The following FAM227B variants were observed in gnomAD, a reference collection of about 807,000 sequenced individuals.
FAM227B encodes the protein family with sequence similarity 227 member B, also known as protein FAM227B.
In FAM227B, 88 loss-of-function variants were observed where a neutral mutation model predicts 73.8. The ratio of observed to expected loss-of-function variants is 1.19; its 90% CI spans 1.00 to 1.42. The LOEUF (loss-of-function observed/expected upper bound fraction) is 1.42, where lower values mean the gene tolerates loss of function less well. Ranked by LOEUF, FAM227B falls within the 40% of genes most tolerant of loss-of-function variation. The pLI is 0.00. For missense variants in FAM227B, 632 were observed against 590.9 expected (o/e 1.07, Z -0.72); for synonymous variants, 210 against 190.5 (o/e 1.10, Z -0.84).
chr15:49,461,562 C>A (rs193089043), intron 11 of FAM227B, among the ~76,000 whole-genome samples: 67 of 152,270 alleles, frequency 4.4e-4, no homozygotes, highest in African/African-American at 1.6e-3. Context: ...TTGAAAGAGC[C>A]ACGTACTTCT....
chr15:49,536,278 TAAC>T (rs1374611497), intron 10 of FAM227B, among the ~76,000 whole-genome samples: 12 of 151,698 alleles, frequency 7.9e-5, no homozygotes, highest in Non-Finnish European at 1.8e-4. Context: ...TTCTATATAT[TAAC>T]AACAGACTAT....
chr15:49,492,808 T>C (rs1048890351), intron 11 of FAM227B, among the ~76,000 whole-genome samples: 1 of 151,888 alleles, frequency 6.6e-6, no homozygotes, highest in African/African-American at 2.4e-5. Flanking sequence ...GCAAATGTGG[T>C]TTAAAAAATT....
At chr15:49,360,101 AG>A (rs567696991) in intron 13 of FAM227B, among the ~76,000 whole-genome samples, 725 of 67,036 alleles carry the variant, frequency 0.011, 14 homozygotes, top group African/African-American at 0.042. Flanking sequence ...GGGTGGGGGG[AG>A]GGGGGAGGGA....
chr15:49,481,270 A>G (rs1446664982), intron 11 of FAM227B, among the ~76,000 whole-genome samples: 1 of 152,102 alleles, frequency 6.6e-6, no homozygotes, highest in African/African-American at 2.4e-5. Flanking sequence ...TTTTGCACCA[A>G]CCTAACTGAT....
chr15:49,556,679 A>G (rs2073730566), intron 9 of FAM227B, among the ~76,000 whole-genome samples: 1 of 151,256 alleles, frequency 6.6e-6, no homozygotes, highest in Non-Finnish European at 1.5e-5. Context: ...GACAGGGGGC[A>G]CTCAGGTCAG....
chr15:49,594,585 T>A (rs986550995), intron 3 of FAM227B, among the ~76,000 whole-genome samples: 3 of 152,208 alleles, frequency 2.0e-5, no homozygotes, highest in African/African-American at 7.2e-5. Context: ...TGATCCATCT[T>A]GATTTGGTTA....
intron 11 of FAM227B, chr15:49,487,966 C>T (rs563433133): frequency 6.6e-6 from 1 of 152,068 alleles, no homozygotes; most frequent in South Asian, 2.1e-4. Flanking sequence ...CATAATCCAA[C>T]TTTACACATA....
chr15:49,577,758 C>T lies in FAM227B; in HGVS notation c.406-94G>A, dbSNP rs574526437. The T allele has an allele frequency of 2.2e-5, 15 of 670,324 alleles. No homozygotes were observed. The South Asian group carries it at 2.6e-4, about 12-fold the overall frequency. The allele number at this position is 670,324 out of a possible 1,614,324, so 41.5% of individuals were successfully genotyped here. A position where few individuals can be genotyped will look rare whatever the true frequency, so the allele number is the denominator to read the frequency against. On this transcript the variant is annotated intron_variant, in intron 5 of 15. Coordinates refer to ENST00000299338, the MANE Select transcript of FAM227B (RefSeq NM_152647.3). ...TCAGTTAACTAGTATGCATAGATAACTATAGATATATGTATATATATCCTA... is the reference window on the plus strand; with the variant it reads ...TCAGTTAACTAGTATGCATAGATAATTATAGATATATGTATATATATCCTA...
intron 9 of FAM227B, among the ~76,000 whole-genome samples, chr15:49,550,331 C>T (rs1347940176): frequency 2.2e-4 from 23 of 105,970 alleles, no homozygotes; most frequent in Admixed American, 1.0e-3. Context: ...GGCCGGGCGG[C>T]GGGCTGACCC....
intron 13 of FAM227B, among the ~76,000 whole-genome samples, chr15:49,354,632 T>C (rs909391366): frequency 4.6e-5 from 7 of 152,232 alleles, no homozygotes; most frequent in African/African-American, 1.7e-4. Flanking sequence ...AGCACAGCAG[T>C]CTGAGATCAA....
At chr15:49,376,353 T>C (rs1189295502) in intron 11 of FAM227B, among the ~76,000 whole-genome samples, 1 of 152,098 alleles carries the variant, frequency 6.6e-6, no homozygotes, top group African/African-American at 2.4e-5. Flanking sequence ...ATACCCCAGT[T>C]GTCACAGCAG....
intron 11 of FAM227B, among the ~76,000 whole-genome samples, chr15:49,433,707 G>A (rs1254326432): frequency 6.6e-6 from 1 of 151,630 alleles, no homozygotes; most frequent in Non-Finnish European, 1.5e-5. Context: ...GTTACCACTG[G>A]TGACACTGGA....
At chr15:49,584,343 T>C in intron 5 of FAM227B, among the ~76,000 whole-genome samples, 1 of 152,222 alleles carries the variant, frequency 6.6e-6, no homozygotes, top group East Asian at 1.9e-4. Context: ...CTCATTAAAC[T>C]ACATATTGAA....
intron 9 of FAM227B, among the ~76,000 whole-genome samples, chr15:49,564,478 A>G (rs1002188756): frequency 1.3e-5 from 2 of 152,206 alleles, no homozygotes; most frequent in Non-Finnish European, 2.9e-5. Flanking sequence ...CAGGAATCCC[A>G]TAACAAGGCG....
Position 49,607,387 on chromosome 15 carries a change from A to G in FAM227B, c.105+3828T>C, listed in dbSNP as rs12324155. 2.0e-3 allele frequency among the ~76,000 whole-genome samples: 308 copies of G among 152,302 alleles called. 2 individuals carry two copies. The highest frequency in any genetic ancestry group is 7.1e-3 in the African/African-American group (296 of 41,554). ...ATCTGGAAAACTGTGTCAAAAATTT[A>G]AAAGATTTTGAAGAATAAGAGAAGG... On this transcript the variant is annotated intron_variant, in intron 3 of 15. Coordinates refer to ENST00000299338, the MANE Select transcript of FAM227B (RefSeq NM_152647.3).
chr15:49,331,541 AG>A, intron 15 of FAM227B: 1 of 435,114 alleles, frequency 2.3e-6, no homozygotes, highest in Non-Finnish European at 4.1e-6. Context: ...GGAGCTTTTC[AG>A]TTACATAAAC....
intron 11 of FAM227B, chr15:49,485,483 A>C (rs887685925): frequency 6.6e-6 from 1 of 151,440 alleles, no homozygotes; most frequent in Non-Finnish European, 1.5e-5. Flanking sequence ...TAAAAAAAAA[A>C]CCTTAATAAG....
At chr15:49,411,863 G>T (rs1487977430) in intron 11 of FAM227B, among the ~76,000 whole-genome samples, 1 of 151,922 alleles carries the variant, frequency 6.6e-6, no homozygotes, top group Admixed American at 6.6e-5. Context: ...CAAATAATAG[G>T]ATATATCAAT....
intron 12 of FAM227B, among the ~76,000 whole-genome samples, chr15:49,369,020 G>A (rs1436443727): frequency 1.3e-5 from 2 of 152,146 alleles, no homozygotes; most frequent in Non-Finnish European, 2.9e-5. Flanking sequence ...GTGCAGTAGC[G>A]TGATCTTGGC....
Sources: allele counts gnomAD v4.1 joint callset (sites outside exome capture counted in the v4.1 genomes callset), GRCh38; gene constraint gnomAD v4.1.1; transcripts MANE v1.5; gene names NCBI Gene and HGNC (gene_info 2026-07-23, HGNC 2026-07-21).